Variants in CFAP221 observed in about 807,000 individuals in gnomAD.
CFAP221 encodes cilia and flagella associated protein 221, also known as cilia- and flagella-associated protein 221.
In CFAP221, 97 loss-of-function variants were observed where a neutral mutation model predicts 113.1. That is an observed-to-expected ratio of 0.86 (90% CI 0.73 to 1.02). The LOEUF is 1.02. Among genes scored for constraint, CFAP221 ranks in the 50% least tolerant of loss-of-function variants. CFAP221 has a pLI of 0.00. For missense variants in CFAP221, 1,025 were observed against 1,013.4 expected (o/e 1.01, Z -0.16); for synonymous variants, 331 against 354.4 (o/e 0.93, Z 0.74).
intron 21 of CFAP221, among the ~76,000 whole-genome samples, chr2:119,644,402 T>G (rs1465185108): frequency 6.6e-6 from 1 of 152,230 alleles, no homozygotes; most frequent in Non-Finnish European, 1.5e-5. Flanking sequence ...GACCCTGAAC[T>G]TCTCAGTCAC....
chr2:119,590,618 C>T (rs565956532), intron 7 of CFAP221, among the ~76,000 whole-genome samples: 1 of 152,378 alleles, frequency 6.6e-6, no homozygotes, highest in South Asian at 2.1e-4. Context: ...CCAGCATTCA[C>T]CCACTTACAT....
In CFAP221 at chr2:119,652,033, T is replaced by C; in HGVS notation, c.2378T>C (p.Phe793Ser). Reference sequence around the variant, plus strand: ...ACTCCAGAAATGATCAAAGTGGAATTCCCTATGTTGAACTACAAGGACATC... The same window carrying C: ...ACTCCAGAAATGATCAAAGTGGAATCCCCTATGTTGAACTACAAGGACATC... ...MLTPEMIKVE[F>S]PMLNYKDIRK... Residue 793 changes from phenylalanine to serine, a missense_variant, in exon 23 of 24, where the codon TTC becomes TCC. Transcript: ENST00000413369. 6.2e-7 allele frequency: 1 copy of C among 1,613,462 alleles called. No individual in the cohort carries two copies. Among genetic ancestry groups the C allele is most frequent in the Non-Finnish European group, 8.5e-7 (1 of 1,179,660 alleles).
intron 20 of CFAP221, 47 bp from the exon 21 acceptor site, chr2:119,639,734 T>C: frequency 1.3e-6 from 2 of 1,483,022 alleles, no homozygotes; most frequent in Non-Finnish European, 1.9e-6. Context: ...CTTCAGAAAC[T>C]TTACCTCACC....
rs543639823 is a variant in CFAP221, at chr2:119,615,396, C to A, written c.1312-215C>A. On this transcript the variant is annotated intron_variant, in intron 13 of 23. Coordinates refer to ENST00000413369, the MANE Select transcript of CFAP221 (RefSeq NM_001271049.2). ...TAACTAGACTATAAGTTTCTTAAAA[C>A]CCTAATCTTGTCCTCCACTTTTGGC... 2.0e-5 allele frequency among the ~76,000 whole-genome samples: 3 copies of A among 152,326 alleles called. No individual in the cohort carries two copies. In the South Asian group the frequency reaches 6.2e-4, roughly 32 times the overall value.
At position 119,639,881 on chromosome 2, in the gene CFAP221, A is replaced by C. The variant is rs377293395; in HGVS notation, c.2225+9A>C. The C allele has an allele frequency of 1.6e-4, 261 of 1,609,980 alleles. No individual in the cohort carries two copies. Among genetic ancestry groups the C allele is most frequent in the Non-Finnish European group, 2.1e-4 (252 of 1,176,444 alleles). ...ATGGAGACCACAAAGAGGTAAGCAC[A>C]GCTCATCTGTTTGCTCACGAGTATG... On this transcript the variant is annotated intron_variant, in intron 21 of 23. Coordinates refer to ENST00000413369, the MANE Select transcript of CFAP221 (RefSeq NM_001271049.2).
intron 6 of CFAP221, among the ~76,000 whole-genome samples, chr2:119,582,529 C>T (rs1682922949): frequency 6.6e-6 from 1 of 151,022 alleles, no homozygotes; most frequent in Non-Finnish European, 1.5e-5. Context: ...GCTCTCGGCT[C>T]ACTAGAACCT....
chr2:119,655,056 C>T (rs997284094), intron 23 of CFAP221, among the ~76,000 whole-genome samples: 8 of 152,172 alleles, frequency 5.3e-5, no homozygotes, highest in African/African-American at 1.4e-4. Flanking sequence ...CAGACAGGGA[C>T]GGAACAAAAA....
chr2:119,593,351 A>G (rs1683726198), intron 7 of CFAP221, among the ~76,000 whole-genome samples: 1 of 152,144 alleles, frequency 6.6e-6, no homozygotes, highest in Non-Finnish European at 1.5e-5. Context: ...GAATATCTGA[A>G]GCTTGGTAAT....
intron 16 of CFAP221, among the ~76,000 whole-genome samples, chr2:119,628,984 T>C (rs970824484): frequency 6.6e-6 from 1 of 152,246 alleles, no homozygotes; most frequent in Admixed American, 6.5e-5. Flanking sequence ...CAAAGACTTC[T>C]CTGCTGCTCA....
chr2:119,649,488 G>C (rs1273173634), intron 22 of CFAP221, among the ~76,000 whole-genome samples: 2 of 152,136 alleles, frequency 1.3e-5, no homozygotes, highest in Admixed American at 6.6e-5. Context: ...AGTTTAGTGA[G>C]ACAGAACGCA....
chr2:119,578,593 T>C (rs1682617264), intron 6 of CFAP221, among the ~76,000 whole-genome samples: 1 of 152,238 alleles, frequency 6.6e-6, no homozygotes, highest in African/African-American at 2.4e-5. Context: ...TGTTATTGTC[T>C]ATGTTATAGC....
chr2:119,604,442 G>T (rs1036701358), intron 8 of CFAP221, among the ~76,000 whole-genome samples: 2 of 151,630 alleles, frequency 1.3e-5, no homozygotes, highest in African/African-American at 2.4e-5. Context: ...CAAAAAAAAA[G>T]AATGTAAGGC....
Position 119,653,152 on chromosome 2 carries a change from G to A in CFAP221, c.2414+1083G>A, listed in dbSNP as rs187470787. Among the ~76,000 whole-genome samples the A allele has an allele frequency of 6.1e-4, 93 of 151,484 alleles. No individual in the cohort carries two copies. In the East Asian group the frequency reaches 0.015, roughly 25 times the overall value. On this transcript the variant is annotated intron_variant, in intron 23 of 23. Coordinates refer to ENST00000413369, the MANE Select transcript of CFAP221 (RefSeq NM_001271049.2). Reference sequence around the variant, plus strand: ...TCCCAGCGCTTTGGGAGGCTGGGGCGGGTGGATCACCTGAGGTCAGCAGTT... The same window carrying A: ...TCCCAGCGCTTTGGGAGGCTGGGGCAGGTGGATCACCTGAGGTCAGCAGTT...
At position 119,596,787 on chromosome 2, in the gene CFAP221, T is replaced by C. The variant is rs576219380; in HGVS notation, c.632-4431T>C. Among the ~76,000 whole-genome samples the C allele has an allele frequency of 2.0e-5, 3 of 152,230 alleles. No individual in the cohort carries two copies. In the South Asian group the frequency reaches 6.2e-4, roughly 31 times the overall value. ...TTGTTCTTCCTGGGAAATTTAGACA[T>C]GAACAGTATCCAAAAGCCCTCAGGG... On this transcript the variant is annotated intron_variant, in intron 7 of 23. Transcript: ENST00000413369.
intron 23 of CFAP221, among the ~76,000 whole-genome samples, chr2:119,655,773 G>T (rs1688393032): frequency 6.6e-6 from 1 of 151,576 alleles, no homozygotes; most frequent in African/African-American, 2.4e-5. Context: ...TCCGCCCTTT[G>T]TCTACTCCCA....
intron 7 of CFAP221, among the ~76,000 whole-genome samples, chr2:119,596,754 A>T: frequency 6.6e-6 from 1 of 152,252 alleles, no homozygotes; most frequent in East Asian, 1.9e-4. Flanking sequence ...GCTATGGCTG[A>T]GCAGGGGTTG....
intron 6 of CFAP221, among the ~76,000 whole-genome samples, chr2:119,570,017 A>G (rs1373317397): frequency 2.6e-5 from 4 of 152,186 alleles, no homozygotes; most frequent in African/African-American, 9.6e-5. Flanking sequence ...TGTCTCTTCA[A>G]ACTGTTTTTT....
intron 22 of CFAP221, among the ~76,000 whole-genome samples, chr2:119,647,650 A>G (rs1011759719): frequency 7.9e-5 from 12 of 152,244 alleles, no homozygotes; most frequent in African/African-American, 2.9e-4. Flanking sequence ...CTCACCTGGC[A>G]TTGCCCCATT....
chr2:119,546,243 G>C lies in CFAP221; in HGVS notation c.112G>C (p.Glu38Gln). The C allele has an allele frequency of 1.3e-6, 2 of 1,535,554 alleles. No individual in the cohort carries two copies. Among genetic ancestry groups the C allele is most frequent in the Non-Finnish European group, 1.7e-6 (2 of 1,146,620 alleles). Residue 38 changes from glutamate (E) to glutamine (Q), a missense_variant, in exon 2 of 24, where the codon GAA becomes CAA. Transcript: ENST00000413369. Reference protein sequence around the residue: ...NLVEEPKKRKEVPNHLLESKV... With the variant: ...NLVEEPKKRKQVPNHLLESKV... ...AGTGGAGGAGCCGAAAAAAAGAAAA[G>C]AAGTACCTAATCACCTCCTAGAATC...
Sources: allele counts gnomAD v4.1 joint callset (sites outside exome capture counted in the v4.1 genomes callset), GRCh38; gene constraint gnomAD v4.1.1; transcripts MANE v1.5; gene names NCBI Gene and HGNC (gene_info 2026-07-23, HGNC 2026-07-21).